HMBOX1: variants seen among roughly 807,000 people sequenced by gnomAD.
The protein encoded by HMBOX1 is homeobox containing 1, also known as homeobox-containing protein 1.
HMBOX1 carries 14 observed loss-of-function variants against 54.5 expected under a neutral mutation model. The ratio of observed to expected loss-of-function variants is 0.26; its 90% confidence interval spans 0.17 to 0.40. The LOEUF (loss-of-function observed/expected upper bound fraction) is 0.40, where lower values mean the gene tolerates loss of function less well. HMBOX1 is among the 10% of genes least tolerant of loss of function. HMBOX1 has a pLI of 1.00. For missense variants in HMBOX1, 332 were observed against 514.4 expected (o/e 0.65, Z 3.43); for synonymous variants, 160 against 181.0 (o/e 0.88, Z 0.93).
At position 28,972,276 on chromosome 8, in the gene HMBOX1, G is replaced by A. The variant is rs376092762; in HGVS notation, c.500+1757G>A. Among the ~76,000 whole-genome samples, 453 of 152,236 alleles carry A rather than the reference G, an allele frequency of 3.0e-3. 2 individuals are homozygous for A. The highest frequency in any genetic ancestry group is 9.7e-3 in the African/African-American group (404 of 41,546). ...CACCCAGGATGAAGTGCAGTGGTGC[G>A]ATCTCGGCTCACTGCAACCTCCGCC... is the stretch of plus-strand genomic sequence containing the variant. On this transcript the variant is annotated intron_variant, in intron 3 of 9. Transcript: ENST00000287701.
At chr8:28,931,449 ATACT>A (rs1483114022) in intron 1 of HMBOX1, among the ~76,000 whole-genome samples, 1 of 152,172 alleles carries the variant, frequency 6.6e-6, no homozygotes, top group African/African-American at 2.4e-5. Context: ...ACCTTTCAAA[ATACT>A]TAGTTTTCCA....
intron 4 of HMBOX1, among the ~76,000 whole-genome samples, chr8:28,992,948 C>G (rs1379058912): frequency 1.3e-5 from 2 of 151,300 alleles, no homozygotes; most frequent in African/African-American, 4.9e-5. Context: ...AGCCATATCC[C>G]CTTCCCACAT....
intron 6 of HMBOX1, among the ~76,000 whole-genome samples, chr8:29,023,676 A>G (rs752740545): frequency 6.6e-6 from 1 of 152,180 alleles, no homozygotes; most frequent in Non-Finnish European, 1.5e-5. Context: ...TCCTGGGATT[A>G]TAGGTGTGAT....
At chr8:29,020,380 A>G (rs1295179809) in intron 6 of HMBOX1, among the ~76,000 whole-genome samples, 1 of 152,200 alleles carries the variant, frequency 6.6e-6, no homozygotes, top group East Asian at 1.9e-4. Context: ...GATGACATTA[A>G]TATCAATAGG....
At chr8:28,890,799 G>A (rs1413892490) in intron 1 of HMBOX1, 121 bp downstream of exon 1, 1 of 152,572 alleles carries the variant, frequency 6.6e-6, no homozygotes, top group African/African-American at 2.4e-5. Context: ...CTGGGGATGG[G>A]TCTCGTAAGC....
intron 1 of HMBOX1, among the ~76,000 whole-genome samples, chr8:28,931,552 T>G (rs1421713539): frequency 6.6e-6 from 1 of 152,174 alleles, no homozygotes; most frequent in Non-Finnish European, 1.5e-5. Context: ...TGGTGGTTGT[T>G]GTTTTCTGAG....
At chr8:28,933,330 G>A (rs184691308) in intron 1 of HMBOX1, among the ~76,000 whole-genome samples, 2 of 152,232 alleles carry the variant, frequency 1.3e-5, no homozygotes, top group East Asian at 3.9e-4. Flanking sequence ...CCCCAGTATG[G>A]CAACTCTTGA....
chr8:28,968,468 T>G (rs1826822128), intron 2 of HMBOX1, among the ~76,000 whole-genome samples: 2 of 152,354 alleles, frequency 1.3e-5, no homozygotes, highest in South Asian at 4.1e-4. Flanking sequence ...TTACTCAGAT[T>G]TTTTGTGAAG....
chr8:28,976,963 C>T (rs566781222), intron 3 of HMBOX1, among the ~76,000 whole-genome samples: 1 of 152,242 alleles, frequency 6.6e-6, no homozygotes, highest in South Asian at 2.1e-4. Context: ...CCCGCCTCAG[C>T]CTCCCAAAGT....
chr8:28,970,405 A>T lies in HMBOX1; in HGVS notation c.386A>T (p.Asn129Ile). The change falls in exon 3 of 10, where the codon AAT becomes ATT. Residue 129 changes from asparagine (N) to isoleucine (I), a missense_variant. Asn to Ile is a moderately radical substitution (Grantham distance 149). Transcript: ENST00000287701. This position sits in a 1 kb window ranked among gnomAD's most constrained non-coding sequence, Gnocchi z 4.3. ...AATAATGAGCGATTATCTACATCCAATGGAAAGATGTCACCAACTCGCTAC... is the reference window on the plus strand; with the variant it reads ...AATAATGAGCGATTATCTACATCCATTGGAAAGATGTCACCAACTCGCTAC... ...RENNERLSTSNGKMSPTRYHA... is the reference protein window; with the variant it reads ...RENNERLSTSIGKMSPTRYHA... 1 of 1,614,140 alleles carries T rather than the reference A, an allele frequency of 6.2e-7. No homozygotes were observed. Among genetic ancestry groups the T allele is most frequent in the Non-Finnish European group, 8.5e-7 (1 of 1,179,980 alleles).
chr8:29,036,435 G>A (rs1803884363), intron 6 of HMBOX1, among the ~76,000 whole-genome samples: 1 of 152,156 alleles, frequency 6.6e-6, no homozygotes, highest in South Asian at 2.1e-4. Flanking sequence ...AATGGGTGTT[G>A]ATGTTCTGTT....
intron 5 of HMBOX1, among the ~76,000 whole-genome samples, chr8:29,016,558 T>C (rs1215959376): frequency 6.6e-6 from 1 of 152,236 alleles, no homozygotes; most frequent in African/African-American, 2.4e-5. Context: ...ATCTCATAGT[T>C]TTCATAGATC....
At chr8:28,910,044 C>T (rs1815112729) in intron 1 of HMBOX1, among the ~76,000 whole-genome samples, 1 of 152,126 alleles carries the variant, frequency 6.6e-6, no homozygotes, top group South Asian at 2.1e-4. Context: ...TATACTTAAT[C>T]CCTATTCCTA....
intron 1 of HMBOX1, among the ~76,000 whole-genome samples, chr8:28,914,989 A>T (rs1315554912): frequency 1.3e-5 from 2 of 152,218 alleles, no homozygotes; most frequent in African/African-American, 4.8e-5. Context: ...AATTCTATGG[A>T]AACCAACAAA....
At chr8:28,946,468 C>T (rs1822475389) in intron 1 of HMBOX1, among the ~76,000 whole-genome samples, 1 of 151,676 alleles carries the variant, frequency 6.6e-6, no homozygotes, top group Admixed American at 6.6e-5. Flanking sequence ...TACTTGGGAG[C>T]TTGAGACAGG....
At chr8:29,047,562 CTCT>C (rs1184094424) in intron 8 of HMBOX1, 109 bp downstream of exon 8, 4 of 414,470 alleles carry the variant, frequency 9.7e-6, no homozygotes, top group African/African-American at 2.4e-5. Flanking sequence ...ATCCTAACTT[CTCT>C]TTTTTTTTTT....
At chr8:28,916,311 A>G (rs1816532330) in intron 1 of HMBOX1, among the ~76,000 whole-genome samples, 1 of 152,350 alleles carries the variant, frequency 6.6e-6, no homozygotes, top group Middle Eastern at 3.4e-3. Flanking sequence ...TGTAACCAGG[A>G]GGATGAAATG....
chr8:28,980,047 GGTCTT>G lies in HMBOX1; in HGVS notation c.501-18_501-14del, dbSNP rs1426000709. The G allele has an allele frequency of 1.4e-5, 21 of 1,523,894 alleles. No homozygotes were observed. The highest frequency in any genetic ancestry group is 1.9e-5 in the Non-Finnish European group (21 of 1,098,180). The allele number at this position is 1,523,894 out of a possible 1,614,324, so 94.4% of individuals were successfully genotyped here. A position where few individuals can be genotyped will look rare whatever the true frequency, so the allele number is the denominator to read the frequency against. Reference sequence around the variant, plus strand: ...ATTTCTACCTTCAACATACATTGTTGGTCTTGTCTTCTGTTTTTGTTAGGAGGGAC... The same window carrying G: ...ATTTCTACCTTCAACATACATTGTTGGTCTTCTGTTTTTGTTAGGAGGGAC... On this transcript the variant is annotated intron_variant, in intron 3 of 9. Coordinates refer to ENST00000287701, the MANE Select transcript of HMBOX1 (RefSeq NM_001135726.3).
At chr8:29,025,633 TAG>T (rs1022642873) in intron 6 of HMBOX1, among the ~76,000 whole-genome samples, 11 of 152,214 alleles carry the variant, frequency 7.2e-5, no homozygotes, top group African/African-American at 2.7e-4. Context: ...ATTTCTGTGT[TAG>T]AGAGTTCAGT....
Sources: allele counts gnomAD v4.1 joint callset (sites outside exome capture counted in the v4.1 genomes callset), GRCh38; gene constraint gnomAD v4.1.1; non-coding constraint Gnocchi (gnomAD v3.1); transcripts MANE v1.5; gene names NCBI Gene and HGNC (gene_info 2026-07-23, HGNC 2026-07-21).